ADAM12: variants seen among roughly 807,000 people sequenced by gnomAD.
ADAM12 encodes the protein ADAM metallopeptidase domain 12, also known as disintegrin and metalloproteinase domain-containing protein 12.
ADAM12 carries 70 observed loss-of-function variants against 106.4 expected under a neutral mutation model. That is an observed-to-expected ratio of 0.66 (90% CI 0.54 to 0.80). ADAM12 has a LOEUF of 0.80. Among genes scored for constraint, ADAM12 ranks in the 30% least tolerant of loss-of-function variants. ADAM12 has a pLI of 0.00. For missense variants in ADAM12, 1,010 were observed against 1,171.9 expected (o/e 0.86, Z 2.02); for synonymous variants, 420 against 433.5 (o/e 0.97, Z 0.39).
chr10:126,082,363 GTTTT>G (rs5788763), intron 11 of ADAM12, among the ~76,000 whole-genome samples: 15 of 80,780 alleles, frequency 1.9e-4, no homozygotes, highest in Admixed American at 5.5e-4. Context: ...TCTAATGACT[GTTTT>G]TTTTTTTTTT....
chr10:126,285,090 T>C (rs1176472343), intron 2 of ADAM12, among the ~76,000 whole-genome samples: 1 of 152,086 alleles, frequency 6.6e-6, no homozygotes, highest in Non-Finnish European at 1.5e-5. Flanking sequence ...AGCCGGTAGG[T>C]GCTGGCCAAA....
intron 1 of ADAM12, among the ~76,000 whole-genome samples, chr10:126,332,738 A>C (rs1004894178): frequency 3.3e-5 from 5 of 152,182 alleles, no homozygotes; most frequent in African/African-American, 4.8e-5. Flanking sequence ...AAAATGAGGC[A>C]GAGCGTGGTG....
intron 3 of ADAM12, among the ~76,000 whole-genome samples, chr10:126,182,625 T>A (rs143371015): frequency 2.8e-4 from 42 of 152,288 alleles, no homozygotes; most frequent in African/African-American, 1.0e-3. Context: ...TGTGCCAGGA[T>A]GTGAAGAGCC....
At chr10:126,295,199 G>A (rs758552274) in intron 2 of ADAM12, among the ~76,000 whole-genome samples, 5 of 151,968 alleles carry the variant, frequency 3.3e-5, no homozygotes, top group African/African-American at 9.6e-5. Context: ...ATAGATCTGG[G>A]GTCAAATCTA....
chr10:126,236,220 G>A (rs1476945805), intron 3 of ADAM12, among the ~76,000 whole-genome samples: 2 of 152,240 alleles, frequency 1.3e-5, no homozygotes, highest in African/African-American at 4.8e-5. Context: ...GGTTATCCAA[G>A]GTTATCCAGA....
intron 1 of ADAM12, among the ~76,000 whole-genome samples, chr10:126,374,346 A>T (rs570684952): frequency 3.6e-4 from 55 of 152,180 alleles, no homozygotes; most frequent in African/African-American, 1.3e-3. Context: ...AAGGCATTGG[A>T]AGAGATAATC....
chr10:126,280,011 A>C (rs1373758665), intron 2 of ADAM12, among the ~76,000 whole-genome samples: 1 of 152,232 alleles, frequency 6.6e-6, no homozygotes, highest in Non-Finnish European at 1.5e-5. Context: ...CTAATATTTC[A>C]TATTTGAAAG....
At chr10:126,298,932 G>A (rs534094867) in intron 2 of ADAM12, among the ~76,000 whole-genome samples, 5 of 152,270 alleles carry the variant, frequency 3.3e-5, no homozygotes, top group African/African-American at 4.8e-5. Context: ...AACATTAAAG[G>A]TGAAATAAAG....
chr10:126,326,791 C>T (rs72828743), intron 2 of ADAM12, among the ~76,000 whole-genome samples: 17 of 152,056 alleles, frequency 1.1e-4, no homozygotes, highest in Non-Finnish European at 2.5e-4. Flanking sequence ...GCTGTTTCCT[C>T]GGCCTGGATG....
chr10:126,173,945 T>G (rs1443113331), intron 3 of ADAM12, among the ~76,000 whole-genome samples: 1 of 145,324 alleles, frequency 6.9e-6, no homozygotes, highest in Admixed American at 7.0e-5. Context: ...ATTGCAAAAA[T>G]AAAAATCATA....
At position 126,140,414 on chromosome 10, in the gene ADAM12, A is replaced by G. The variant is rs1176138347; in HGVS notation, c.340-4754T>C. ...GAGCATGAGCTTAGAACAAACTAGT[A>G]TCAAATTAATTTCCAGTTCAACAAC... On this transcript the variant is annotated intron_variant, in intron 4 of 22. Transcript: ENST00000448723. Among the ~76,000 whole-genome samples, 3 of 152,230 alleles carry G rather than the reference A, an allele frequency of 2.0e-5. No homozygotes were observed. The East Asian group carries it at 5.8e-4, about 29-fold the overall frequency.
In ADAM12 at chr10:126,016,589, G is replaced by T; in HGVS notation, c.*690C>A. The T allele has an allele frequency of 6.6e-6, 1 of 152,440 alleles. No homozygotes were observed. Among genetic ancestry groups the T allele is most frequent in the Non-Finnish European group, 1.5e-5 (1 of 68,146 alleles). The allele number at this position is 152,440 out of a possible 1,614,324, so 9.4% of individuals were successfully genotyped here. Reference sequence around the variant, plus strand: ...AACATGCTCACGGCTGGTCAGCTCAGGGTCAAGTTCTGGCTTGTCTAGTGT... The same window carrying T: ...AACATGCTCACGGCTGGTCAGCTCATGGTCAAGTTCTGGCTTGTCTAGTGT... On this transcript the variant is annotated 3_prime_UTR_variant, in exon 23 of 23. Coordinates refer to ENST00000448723, the MANE Select transcript of ADAM12 (RefSeq NM_001288973.2).
chr10:126,377,757 G>A (rs1330786864), intron 1 of ADAM12, among the ~76,000 whole-genome samples: 1 of 152,206 alleles, frequency 6.6e-6, no homozygotes, highest in Non-Finnish European at 1.5e-5. Context: ...AAAGAACCCA[G>A]AAGCATATCT....
At chr10:126,306,527 G>C (rs1960851634) in intron 2 of ADAM12, among the ~76,000 whole-genome samples, 1 of 152,110 alleles carries the variant, frequency 6.6e-6, no homozygotes, top group East Asian at 1.9e-4. Context: ...TCAACCTGAA[G>C]GACATCCTTT....
intron 3 of ADAM12, among the ~76,000 whole-genome samples, chr10:126,245,804 G>A (rs1431923720): frequency 6.6e-6 from 1 of 152,186 alleles, no homozygotes; most frequent in Non-Finnish European, 1.5e-5. Context: ...GATTTGGCAA[G>A]AAAGTGGCCC....
chr10:126,150,221 G>C (rs1306438779), intron 4 of ADAM12, among the ~76,000 whole-genome samples: 2 of 152,134 alleles, frequency 1.3e-5, no homozygotes, highest in African/African-American at 4.8e-5. Context: ...TGTGGAGATA[G>C]CCTCAGTGCT....
At chr10:126,267,306 G>C (rs1053116870) in intron 3 of ADAM12, among the ~76,000 whole-genome samples, 19 of 152,206 alleles carry the variant, frequency 1.2e-4, no homozygotes, top group African/African-American at 4.6e-4. Context: ...CCATGGACCA[G>C]GGGTGGGGGC....
At chr10:126,024,977 A>G (rs1953841610) in intron 21 of ADAM12, among the ~76,000 whole-genome samples, 1 of 152,136 alleles carries the variant, frequency 6.6e-6, no homozygotes, top group African/African-American at 2.4e-5. Context: ...CCCCCAGCAA[A>G]TTGCAGCAGC....
chr10:126,325,687 G>T (rs1481439583), intron 2 of ADAM12, among the ~76,000 whole-genome samples: 2 of 152,124 alleles, frequency 1.3e-5, no homozygotes, highest in African/African-American at 4.8e-5. Context: ...CTCAAGTGAG[G>T]TCATCTCACG....
Sources: allele counts gnomAD v4.1 joint callset (sites outside exome capture counted in the v4.1 genomes callset), GRCh38; gene constraint gnomAD v4.1.1; transcripts MANE v1.5; gene names NCBI Gene and HGNC (gene_info 2026-07-23, HGNC 2026-07-21).